GPR139: variants seen among roughly 807,000 people sequenced by gnomAD.
The protein encoded by GPR139 is probable G protein-coupled receptor 139.
GPR139 carries 12 observed loss-of-function variants against 25.8 expected under a neutral mutation model. That is an observed-to-expected ratio of 0.47 (90% confidence interval 0.30 to 0.75). The LOEUF (loss-of-function observed/expected upper bound fraction) is 0.75, where lower values mean the gene tolerates loss of function less well. Among genes scored for constraint, GPR139 ranks in the 30% least tolerant of loss-of-function variants. The pLI is 0.07. For missense variants in GPR139, 380 were observed against 450.2 expected (o/e 0.84, Z 1.41); for synonymous variants, 184 against 179.9 (o/e 1.02, Z -0.18).
At chr16:20,061,236 TG>T (rs1216350148) in intron 1 of GPR139, among the ~76,000 whole-genome samples, 1 of 140,766 alleles carries the variant, frequency 7.1e-6, no homozygotes, top group East Asian at 2.0e-4. Context: ...TGTGGATGGA[TG>T]GATGGATGGA....
At chr16:20,043,472 A>T (rs1401357888) in intron 1 of GPR139, among the ~76,000 whole-genome samples, 1 of 152,224 alleles carries the variant, frequency 6.6e-6, no homozygotes, top group Admixed American at 6.5e-5. Flanking sequence ...ATTTATTTTT[A>T]AAATTATGCA....
intron 1 of GPR139, among the ~76,000 whole-genome samples, chr16:20,034,783 T>A (rs2057304246): frequency 1.3e-5 from 2 of 152,222 alleles, no homozygotes; most frequent in African/African-American, 4.8e-5. Flanking sequence ...AGGCCCAGTT[T>A]TGTTGCTACG....
intron 1 of GPR139, among the ~76,000 whole-genome samples, chr16:20,054,712 C>A (rs892206776): frequency 6.7e-6 from 1 of 149,756 alleles, no homozygotes; most frequent in Non-Finnish European, 1.5e-5. Flanking sequence ...TCCTTCCTCC[C>A]TCTTCCTTTC....
In GPR139 at chr16:20,031,608, T is replaced by C; in HGVS notation, c.*127A>G. 1.1e-5 allele frequency: 8 copies of C among 705,884 alleles called. 1 individual carries two copies. The South Asian group carries it at 1.4e-4, about 13-fold the overall frequency. The allele number at this position is 705,884 out of a possible 1,614,324, so 43.7% of individuals were successfully genotyped here. ...CTCTTCTCATCTACCAGTCTGAGAA[T>C]TGCCCAGTCTGCGGGAGACAGGAAA... On this transcript the variant is annotated 3_prime_UTR_variant, in exon 2 of 2. Transcript: ENST00000570682.
chr16:20,041,838 C>T (rs548839866), intron 1 of GPR139, among the ~76,000 whole-genome samples: 21 of 152,296 alleles, frequency 1.4e-4, no homozygotes, highest in African/African-American at 4.3e-4. Flanking sequence ...AGTAGAGGCA[C>T]GAAGCTGGTT....
intron 1 of GPR139, among the ~76,000 whole-genome samples, chr16:20,051,924 G>A (rs907112839): frequency 1.3e-5 from 2 of 152,178 alleles, no homozygotes; most frequent in Admixed American, 6.5e-5. Context: ...GCTGTGTGAT[G>A]TTGGGCAAGT....
chr16:20,041,562 G>A (rs1379349785), intron 1 of GPR139, among the ~76,000 whole-genome samples: 1 of 152,020 alleles, frequency 6.6e-6, no homozygotes, highest in Non-Finnish European at 1.5e-5. Flanking sequence ...TGGGATGGAG[G>A]AAGGGTAAAT....
chr16:20,054,815 C>T (rs112125884), intron 1 of GPR139, among the ~76,000 whole-genome samples: 3 of 152,126 alleles, frequency 2.0e-5, no homozygotes, highest in African/African-American at 7.2e-5. Flanking sequence ...GCAGCCTCGA[C>T]CTCCCAGGTT....
chr16:20,048,367 C>T (rs181189315), intron 1 of GPR139, among the ~76,000 whole-genome samples: 1 of 152,256 alleles, frequency 6.6e-6, no homozygotes, highest in East Asian at 1.9e-4. Context: ...AACCATGTAC[C>T]AGAGCCTGGG....
chr16:20,048,362 T>C (rs1051078952), intron 1 of GPR139, among the ~76,000 whole-genome samples: 1 of 152,192 alleles, frequency 6.6e-6, no homozygotes, highest in Non-Finnish European at 1.5e-5. Flanking sequence ...TGCCCAACCA[T>C]GTACCAGAGC....
At position 20,031,725 on chromosome 16, in the gene GPR139, A is replaced by C. The variant is rs1409553116; in HGVS notation, c.*10T>G. ...ATTAGACAGAGGCAGTAGTTGCCAC[A>C]CCTATGGAATCACGGGGATACTTTT... On this transcript the variant is annotated 3_prime_UTR_variant, in exon 2 of 2. Transcript: ENST00000570682. The C allele has an allele frequency of 1.2e-6, 2 of 1,607,406 alleles. No homozygotes were observed.
chr16:20,073,448 T>C lies in GPR139; in HGVS notation c.127+42A>G. The C allele has an allele frequency of 1.9e-6, 3 of 1,598,334 alleles. No homozygotes were observed. Among genetic ancestry groups the C allele is most frequent in the Non-Finnish European group, 2.6e-6 (3 of 1,172,950 alleles). ...GATTCTGGGTAGGGTTGCCCGGCAC[T>C]TGGGGTTCCTGGCTTCCCTCCCTCT... On this transcript the variant is annotated intron_variant, in intron 1 of 1. Coordinates refer to ENST00000570682, the MANE Select transcript of GPR139 (RefSeq NM_001002911.4). The surrounding 1 kb of genome is among the most constrained non-coding windows in gnomAD (Gnocchi z 4.7).
chr16:20,043,787 T>C (rs141195878), intron 1 of GPR139, among the ~76,000 whole-genome samples: 1 of 152,310 alleles, frequency 6.6e-6, no homozygotes, highest in Non-Finnish European at 1.5e-5. Flanking sequence ...TGGGAGTTTG[T>C]CACAAAGACA....
intron 1 of GPR139, among the ~76,000 whole-genome samples, chr16:20,058,314 G>A (rs1484229029): frequency 1.3e-5 from 2 of 148,836 alleles, no homozygotes; most frequent in African/African-American, 5.0e-5. Flanking sequence ...CAAATAATGT[G>A]ATGGTGTAAA....
intron 1 of GPR139, among the ~76,000 whole-genome samples, chr16:20,056,937 G>A (rs568951471): frequency 6.6e-6 from 1 of 152,268 alleles, no homozygotes; most frequent in South Asian, 2.1e-4. Context: ...TCACCTACCT[G>A]TCCTTGATTA....
At chr16:20,040,308 T>TA (rs151165011) in intron 1 of GPR139, among the ~76,000 whole-genome samples, 2,821 of 152,300 alleles carry the variant, frequency 0.019, 83 homozygotes, top group African/African-American at 0.063. Context: ...TGGGGTTTGC[T>TA]ATGCTGCAAT....
rs1466517735 is a variant in GPR139, at chr16:20,031,094, G to T, written c.*641C>A. ...ACTGCCTTTTAGACCCCAGGTTTGA[G>T]GTCACAGCTATGCGGGTTTGGAGAT... On this transcript the variant is annotated 3_prime_UTR_variant, in exon 2 of 2. Coordinates refer to ENST00000570682, the MANE Select transcript of GPR139 (RefSeq NM_001002911.4). Among the ~76,000 whole-genome samples the T allele has an allele frequency of 2.0e-5, 3 of 152,122 alleles. No individual in the cohort carries two copies. The highest frequency in any genetic ancestry group is 7.2e-5 in the African/African-American group (3 of 41,416).
chr16:20,056,574 T>C (rs2057389077), intron 1 of GPR139, among the ~76,000 whole-genome samples: 1 of 152,268 alleles, frequency 6.6e-6, no homozygotes. Flanking sequence ...TTAACTCTTC[T>C]GAGCTTTCAG....
chr16:20,037,454 A>G (rs2057313974), intron 1 of GPR139, among the ~76,000 whole-genome samples: 1 of 93,990 alleles, frequency 1.1e-5, no homozygotes, highest in Non-Finnish European at 1.8e-5. Context: ...TCTGTCTCAG[A>G]AAAAAAAAAA....
Sources: allele counts gnomAD v4.1 joint callset (sites outside exome capture counted in the v4.1 genomes callset), GRCh38; gene constraint gnomAD v4.1.1; non-coding constraint Gnocchi (gnomAD v3.1); transcripts MANE v1.5; gene names NCBI Gene and HGNC (gene_info 2026-07-23, HGNC 2026-07-21).